ADGRL2: variants seen among roughly 807,000 people sequenced by gnomAD.
ADGRL2 encodes the protein calcium-independent alpha-latrotoxin receptor 2.
Under a neutral mutation model 157.4 loss-of-function variants are expected in ADGRL2, and 44 were observed. The ratio of observed to expected loss-of-function variants is 0.28; its 90% confidence interval spans 0.22 to 0.36. ADGRL2 has a LOEUF of 0.36. Among genes scored for constraint, ADGRL2 ranks in the 10% least tolerant of loss-of-function variants. The pLI is 1.00. For synonymous variants in ADGRL2, 585 were observed against 624.7 expected (o/e 0.94, Z 0.95); for missense variants, 1,510 against 1,768.9 (o/e 0.85, Z 2.63).
chr1:81,899,857 A>G (rs773438433), intron 2 of ADGRL2, among the ~76,000 whole-genome samples: 3 of 152,134 alleles, frequency 2.0e-5, no homozygotes, highest in Non-Finnish European at 4.4e-5. Flanking sequence ...ACCATCAGAC[A>G]CAGTTTCCTT....
intron 1 of ADGRL2, among the ~76,000 whole-genome samples, chr1:81,711,435 G>A (rs905953619): frequency 3.3e-5 from 5 of 152,106 alleles, no homozygotes; most frequent in East Asian, 1.9e-4. Context: ...GTCAGACTTC[G>A]GTAGTCTGTG....
At chr1:81,308,325 C>G (rs961977159) in intron 1 of ADGRL2, among the ~76,000 whole-genome samples, 2 of 152,054 alleles carry the variant, frequency 1.3e-5, no homozygotes, top group Non-Finnish European at 2.9e-5. Flanking sequence ...TTCAGCATTA[C>G]AGGGAAAGAA....
At chr1:81,342,510 A>C (rs1662144653) in intron 1 of ADGRL2, among the ~76,000 whole-genome samples, 1 of 152,190 alleles carries the variant, frequency 6.6e-6, no homozygotes, top group South Asian at 2.1e-4. Context: ...CTATTTTATA[A>C]CAAATGATAG....
In ADGRL2 at chr1:81,981,903, C is replaced by T. The variant is rs1282839612; in HGVS notation, c.3209C>T (p.Ala1070Val). ...ATTAATGAGGAGACTATTGTGATGG[C>T]ATATCTCTTCACTATATTTAATGCT... ...LFINEETIVM[A>V]YLFTIFNAFQ... Residue 1070 changes from alanine (A) to valine (V), a missense_variant, in exon 19 of 24, where the codon GCA becomes GTA. Transcript: ENST00000686636. 6.2e-7 allele frequency: 1 copy of T among 1,611,316 alleles called. No homozygotes were observed. The highest frequency in any genetic ancestry group is 8.5e-7 in the Non-Finnish European group (1 of 1,177,922).
chr1:81,846,034 C>T (rs1347766006), intron 2 of ADGRL2, among the ~76,000 whole-genome samples: 2 of 151,672 alleles, frequency 1.3e-5, no homozygotes, highest in Non-Finnish European at 2.9e-5. Flanking sequence ...TTGAATCCGT[C>T]AGGAATTAAC....
At position 81,450,974 on chromosome 1, in the gene ADGRL2, G is replaced by A. The variant is rs928757881; in HGVS notation, c.-248+5885G>A. Reference sequence around the variant, plus strand: ...TCTTAATTTTGACATTCAAAATACAGAATCTTGTTCATGGCTCTTTACTTT... The same window carrying A: ...TCTTAATTTTGACATTCAAAATACAAAATCTTGTTCATGGCTCTTTACTTT... On this transcript the variant is annotated intron_variant, in intron 2 of 24. Transcript: ENST00000370721. Among the ~76,000 whole-genome samples, 5 of 152,062 alleles carry A rather than the reference G, an allele frequency of 3.3e-5. No individual in the cohort carries two copies. The East Asian group carries it at 9.7e-4, about 29-fold the overall frequency.
intron 2 of ADGRL2, among the ~76,000 whole-genome samples, chr1:81,560,437 C>CT (rs1423093511): frequency 2.6e-5 from 4 of 152,150 alleles, no homozygotes; most frequent in African/African-American, 7.2e-5. Context: ...ATCCTTAGTG[C>CT]TGTATCCTGT....
intron 1 of ADGRL2, among the ~76,000 whole-genome samples, chr1:81,822,737 T>C (rs1448741619): frequency 6.6e-6 from 1 of 152,150 alleles, no homozygotes; most frequent in African/African-American, 2.4e-5. Context: ...TCATATAATT[T>C]CACATTTTGA....
intron 3 of ADGRL2, among the ~76,000 whole-genome samples, chr1:81,652,322 G>C (rs2082438449): frequency 6.6e-6 from 1 of 152,136 alleles, no homozygotes; most frequent in African/African-American, 2.4e-5. Flanking sequence ...AGCTTTGTCA[G>C]TAAGGGGGAT....
intron 1 of ADGRL2, among the ~76,000 whole-genome samples, chr1:81,323,943 C>T (rs1660706234): frequency 6.6e-6 from 1 of 152,124 alleles, no homozygotes; most frequent in Admixed American, 6.5e-5. Context: ...GAAAATGAGG[C>T]CGGATTGTTG....
rs2086889472 is a variant in ADGRL2 at position 81,783,204 on chromosome 1, AC to A, written c.-101+21354del. 4.0e-5 allele frequency among the ~76,000 whole-genome samples: 6 copies of A among 151,704 alleles called. No individual in the cohort carries two copies. The South Asian group carries it at 1.3e-3, about 32-fold the overall frequency. On this transcript the variant is annotated intron_variant, in intron 2 of 20. Transcript: ENST00000359929. Reference sequence around the variant, plus strand: ...AGTGGTGCGATCTCAGCGCATTGCAACCTCCACCTCCCCGGTTCAGGCAATT... The same window carrying A: ...AGTGGTGCGATCTCAGCGCATTGCAACTCCACCTCCCCGGTTCAGGCAATT...
At chr1:81,861,877 C>T (rs2093400121) in intron 2 of ADGRL2, among the ~76,000 whole-genome samples, 2 of 151,270 alleles carry the variant, frequency 1.3e-5, no homozygotes, top group Admixed American at 1.3e-4. Flanking sequence ...AGCAAGACTC[C>T]ATCTCAAAAG....
At chr1:81,382,232 C>T (rs2076355989) in intron 1 of ADGRL2, among the ~76,000 whole-genome samples, 1 of 152,200 alleles carries the variant, frequency 6.6e-6, no homozygotes, top group Non-Finnish European at 1.5e-5. Context: ...CACCAAATCA[C>T]ATCAACATTC....
At chr1:81,367,499 C>A (rs577158750) in intron 1 of ADGRL2, among the ~76,000 whole-genome samples, 2 of 152,164 alleles carry the variant, frequency 1.3e-5, no homozygotes, top group Non-Finnish European at 2.9e-5. Context: ...GGTTAGTTTG[C>A]CAAGGATAAC....
intron 1 of ADGRL2, among the ~76,000 whole-genome samples, chr1:81,433,967 T>C (rs899169022): frequency 6.6e-6 from 1 of 152,192 alleles, no homozygotes; most frequent in Non-Finnish European, 1.5e-5. Context: ...TGCCTGAGCT[T>C]TCCCACAGCA....
At chr1:81,638,130 A>G (rs1421622827) in intron 3 of ADGRL2, among the ~76,000 whole-genome samples, 1 of 152,110 alleles carries the variant, frequency 6.6e-6, no homozygotes, top group Non-Finnish European at 1.5e-5. Context: ...GTGGAATAAA[A>G]TCTGTAAAGT....
chr1:81,958,429 C>T (rs568321839), intron 11 of ADGRL2, among the ~76,000 whole-genome samples: 17 of 152,116 alleles, frequency 1.1e-4, no homozygotes, highest in African/African-American at 4.1e-4. Context: ...CTAAAATAGC[C>T]TATTATTTCT....
At chr1:81,336,812 C>T (rs1202872079) in intron 1 of ADGRL2, among the ~76,000 whole-genome samples, 3 of 152,170 alleles carry the variant, frequency 2.0e-5, no homozygotes, top group Non-Finnish European at 4.4e-5. Flanking sequence ...AAAGTGAGAA[C>T]TTTACCTCCC....
At chr1:81,837,641 C>T (rs973704668) in intron 2 of ADGRL2, among the ~76,000 whole-genome samples, 4 of 151,842 alleles carry the variant, frequency 2.6e-5, no homozygotes, top group African/African-American at 9.7e-5. Flanking sequence ...TTGCATTAAA[C>T]ATTTTTAAAA....
Sources: gnomAD v4.1 joint callset for allele counts (sites outside exome capture counted in the v4.1 genomes callset) on GRCh38, gnomAD v4.1.1 for gene constraint, MANE v1.5 for transcripts, NCBI Gene and HGNC (gene_info 2026-07-23, HGNC 2026-07-21) for gene names.